The following QTGAL variants were observed in gnomAD, a reference collection of about 807,000 sequenced individuals.
QTGAL encodes the protein BGnT-like protein 1.
At chr17:83,013,400 C>T in the QTGAL span, among the ~76,000 whole-genome samples, 3 of 129,474 alleles carry the variant, frequency 2.3e-5, no homozygotes, top group African/African-American at 8.9e-5. Flanking sequence ...CCCCCTCCCC[C>T]TCAATGCTGC....
At chr17:83,034,263 C>T in the QTGAL span, among the ~76,000 whole-genome samples, 2 of 152,292 alleles carry the variant, frequency 1.3e-5, no homozygotes, top group African/African-American at 2.4e-5. Flanking sequence ...TTCTTATCAA[C>T]CTTTAGAAAT....
the QTGAL span, among the ~76,000 whole-genome samples, chr17:83,033,657 G>C: frequency 6.6e-6 from 1 of 151,854 alleles, no homozygotes; most frequent in Non-Finnish European, 1.5e-5. Flanking sequence ...ATTTTTAGTA[G>C]AGACGGGGTT....
chr17:82,988,505 T>C, the QTGAL span, among the ~76,000 whole-genome samples: 1 of 152,026 alleles, frequency 6.6e-6, no homozygotes, highest in African/African-American at 2.4e-5. Flanking sequence ...AATTGACAAA[T>C]GGGACCTAAT....
At chr17:82,994,019 G>A in the QTGAL span, among the ~76,000 whole-genome samples, 2 of 151,830 alleles carry the variant, frequency 1.3e-5, no homozygotes, top group Non-Finnish European at 2.9e-5. Flanking sequence ...GTACTAAGAA[G>A]GAAGTTTTAA....
At chr17:83,005,007 G>A in the QTGAL span, 1 of 856,318 alleles carries the variant, frequency 1.2e-6, no homozygotes, top group Non-Finnish European at 1.8e-6. The surrounding 1 kb of genome is among the most constrained non-coding windows in gnomAD (Gnocchi z 5.6). Context: ...AGGACAGAAG[G>A]ACCACGGCCC....
chr17:83,043,957 T>G, the QTGAL span, among the ~76,000 whole-genome samples: 1 of 141,098 alleles, frequency 7.1e-6, no homozygotes, highest in South Asian at 2.2e-4. Flanking sequence ...AAAAAAAATC[T>G]CAACACACCT....
At chr17:83,017,354 A>G in the QTGAL span, among the ~76,000 whole-genome samples, 1 of 152,184 alleles carries the variant, frequency 6.6e-6, no homozygotes, top group African/African-American at 2.4e-5. Context: ...CAGGCGCAGT[A>G]GCTCATGCCT....
At chr17:82,997,068 C>G in the QTGAL span, among the ~76,000 whole-genome samples, 1 of 152,180 alleles carries the variant, frequency 6.6e-6, no homozygotes, top group African/African-American at 2.4e-5. Context: ...AGTTAAAAAG[C>G]TTCTGTACAG....
At chr17:83,024,294 C>CG in the QTGAL span, among the ~76,000 whole-genome samples, 1 of 146,168 alleles carries the variant, frequency 6.8e-6, no homozygotes, top group African/African-American at 2.8e-5. Context: ...GTCCTCCAGG[C>CG]GGGCAGGCCC....
chr17:82,962,014 T>C, the QTGAL span, among the ~76,000 whole-genome samples: 1 of 152,122 alleles, frequency 6.6e-6, no homozygotes, highest in South Asian at 2.1e-4. Context: ...TCTGGTCTCC[T>C]CGTGGTTCTC....
chr17:83,000,282 G>C, the QTGAL span, among the ~76,000 whole-genome samples: 1 of 152,038 alleles, frequency 6.6e-6, no homozygotes, highest in African/African-American at 2.4e-5. Flanking sequence ...TTTTTACTGT[G>C]ATTTGTGATT....
the QTGAL span, among the ~76,000 whole-genome samples, chr17:82,973,242 CAGG>C: frequency 6.6e-6 from 1 of 152,160 alleles, no homozygotes; most frequent in Admixed American, 6.5e-5. Context: ...GGTCTGTTAA[CAGG>C]AGGACGAGTA....
the QTGAL span, among the ~76,000 whole-genome samples, chr17:82,954,838 ACCATCTG>A: frequency 6.6e-6 from 1 of 152,164 alleles, no homozygotes; most frequent in Non-Finnish European, 1.5e-5. Flanking sequence ...CACATCTACA[ACCATCTG>A]ATCTTCGACA....
chr17:83,026,777 G>A, the QTGAL span, among the ~76,000 whole-genome samples: 5,024 of 37,378 alleles, frequency 0.13, 1 homozygote, highest in African/African-American at 0.19. Flanking sequence ...GGAGGGCGGG[G>A]AGCCTGCAGA....
chr17:83,025,074 TG>T, the QTGAL span, among the ~76,000 whole-genome samples: 1 of 152,014 alleles, frequency 6.6e-6, no homozygotes, highest in African/African-American at 2.4e-5. Flanking sequence ...TCACAGTAAG[TG>T]ACAGTAACTA....
the QTGAL span, among the ~76,000 whole-genome samples, chr17:82,988,795 CAAT>C: frequency 0.28 from 42,998 of 151,902 alleles, 7,059 homozygotes; most frequent in East Asian, 0.4. Context: ...ACCAAAACCA[CAAT>C]GAGATACCAC....
the QTGAL span, chr17:82,957,441 C>A: frequency 1.9e-6 from 3 of 1,611,520 alleles, no homozygotes; most frequent in Non-Finnish European, 2.5e-6. Flanking sequence ...GGCCGCCCAG[C>A]GGGGCAGGGC....
chr17:82,982,054 G>C, the QTGAL span, among the ~76,000 whole-genome samples: 1 of 150,862 alleles, frequency 6.6e-6, no homozygotes, highest in Non-Finnish European at 1.5e-5. Context: ...CGTGGTGATG[G>C]GCCAAGCGGG....
At chr17:82,973,442 C>T in the QTGAL span, among the ~76,000 whole-genome samples, 1 of 152,188 alleles carries the variant, frequency 6.6e-6, no homozygotes, top group Non-Finnish European at 1.5e-5. Context: ...TAGACCAGGC[C>T]GGTTTTCACG....
Sources: allele counts gnomAD v4.1 joint callset (sites outside exome capture counted in the v4.1 genomes callset), GRCh38; gene constraint gnomAD v4.1.1; non-coding constraint Gnocchi (gnomAD v3.1); transcripts MANE v1.5; gene names NCBI Gene and HGNC (gene_info 2026-07-23, HGNC 2026-07-21).